Variants in GSDMA observed in about 807,000 individuals in gnomAD.
GSDMA encodes gasdermin A.
A neutral mutation model predicts 54.3 loss-of-function variants in GSDMA; 55 were observed. That is an observed-to-expected ratio of 1.01 (90% CI 0.82 to 1.27). GSDMA has a LOEUF of 1.27. Among genes scored for constraint, GSDMA ranks in the 50% most tolerant of loss-of-function variants. The pLI is 0.00. For synonymous variants in GSDMA, 211 were observed against 224.7 expected, an observed-to-expected ratio of 0.94 and a Z score of 0.54; for missense variants, 542 against 542.6, an observed-to-expected ratio of 1.00 and a Z score of 0.01.
intron 3 of GSDMA, among the ~76,000 whole-genome samples, chr17:39,969,125 G>A (rs1422686664): frequency 6.6e-6 from 1 of 152,112 alleles, no homozygotes; most frequent in Non-Finnish European, 1.5e-5. Context: ...GGAAGCCAAG[G>A]CAGGATTGCT....
intron 11 of GSDMA, among the ~76,000 whole-genome samples, chr17:39,976,404 G>A (rs959230478): frequency 4.6e-5 from 7 of 151,370 alleles, no homozygotes; most frequent in Admixed American, 2.6e-4. Flanking sequence ...TCAGCCTCCC[G>A]AGTAGCTGGG....
At chr17:39,963,568 C>T (rs534910071) in intron 1 of GSDMA, among the ~76,000 whole-genome samples, 76 of 152,258 alleles carry the variant, frequency 5.0e-4, no homozygotes, top group Non-Finnish European at 9.7e-4. Flanking sequence ...GATGTTGACC[C>T]TCAGGTCAGG....
rs748378804 is a variant in GSDMA at position 39,976,799 on chromosome 17, G to A, written c.1096-17G>A. On this transcript the variant is annotated splice_polypyrimidine_tract_variant and intron_variant, in intron 11 of 11. Coordinates refer to ENST00000301659, the MANE Select transcript of GSDMA (RefSeq NM_178171.5). The stretch of plus-strand genomic sequence containing the variant: ...GTTTCCAGTTCTTTCTTTTCATGCT[G>A]TTTTGATTCCCTCCAGGTGGAGAGC... The A allele has an allele frequency of 2.5e-5, 40 of 1,613,044 alleles. No homozygotes were observed. In the African/African-American group the frequency reaches 4.9e-4, roughly 20 times the overall value.
intron 5 of GSDMA, 104 bp downstream of exon 5, chr17:39,971,724 G>A: frequency 1.2e-6 from 1 of 814,134 alleles, no homozygotes; most frequent in Non-Finnish European, 2.0e-6. Flanking sequence ...ATGAGTAGGG[G>A]GGTGTATTGT....
In GSDMA at chr17:39,970,761, G is replaced by T. The variant is rs1159754881; in HGVS notation, c.558+114G>T. On this transcript the variant is annotated intron_variant, in intron 4 of 11. Coordinates refer to ENST00000301659, the MANE Select transcript of GSDMA (RefSeq NM_178171.5). ...GCTTCATTAGCTTTGCCTGATCAGC[G>T]CCCACCGAGGATGCTGAAAAGGGCC... 2.3e-5 allele frequency: 23 copies of T among 988,422 alleles called. No homozygotes were observed. In the East Asian group the frequency reaches 7.8e-4, roughly 34 times the overall value. The allele number at this position is 988,422 out of a possible 1,614,324, so 61.2% of individuals were successfully genotyped here.
chr17:39,968,328 C>CCACCCCCAGCCAAGACACTGTTCTTCTA, intron 3 of GSDMA, among the ~76,000 whole-genome samples: 1 of 105,674 alleles, frequency 9.5e-6, no homozygotes, highest in African/African-American at 4.9e-5. Context: ...GCGTGAGCCA[C>CCACCCCCAGCCAAGACACTGTTCTTCTA]TGAGCCCGGT....
intron 8 of GSDMA, 78 bp downstream of exon 8, chr17:39,973,908 C>A: frequency 1.6e-6 from 2 of 1,283,276 alleles, no homozygotes; most frequent in South Asian, 2.5e-5. Context: ...AAGGCGAAGT[C>A]ATTCTTTGTC....
rs771596618 is a variant in GSDMA at position 39,972,612 on chromosome 17, C to T, written c.729C>T (p.Ile243=). The T allele has an allele frequency of 1.9e-6, 3 of 1,612,126 alleles. No homozygotes were observed. The highest frequency in any genetic ancestry group is 1.6e-4 in the Middle Eastern group (1 of 6,062). The change falls in exon 7 of 12, where the codon ATC becomes ATT. Residue 243 remains isoleucine, a splice_region_variant and synonymous_variant. Coordinates refer to ENST00000301659, the MANE Select transcript of GSDMA (RefSeq NM_178171.5). ...AAAAGTCAGGAGAGGAGAAGGTCATCCGTAAGTGTTTCCTTTCATTCCACT... is the reference window on the plus strand; with the variant it reads ...AAAAGTCAGGAGAGGAGAAGGTCATTCGTAAGTGTTTCCTTTCATTCCACT... ...PGEKSGEEKV[I]LIQASDVGDV... is the part of the protein sequence containing the mutation.
intron 6 of GSDMA, 37 bp downstream of exon 6, chr17:39,972,213 G>C (rs181707924): frequency 7.0e-7 from 1 of 1,436,916 alleles, no homozygotes; most frequent in Admixed American, 1.8e-5. Context: ...CACATCTTCC[G>C]CCCTACCCCT....
At chr17:39,967,227 A>G (rs1037405360) in intron 3 of GSDMA, among the ~76,000 whole-genome samples, 1 of 152,228 alleles carries the variant, frequency 6.6e-6, no homozygotes, top group Admixed American at 6.5e-5. Flanking sequence ...TTATAATCAA[A>G]GCCAAGAAGT....
chr17:39,975,081 T>C, intron 10 of GSDMA, 67 bp downstream of exon 10: 1 of 826,656 alleles, frequency 1.2e-6, no homozygotes, highest in Non-Finnish European at 2.0e-6. Flanking sequence ...CTTGAATCAA[T>C]TCCCAAATGG....
chr17:39,976,277 T>A (rs200177757), intron 11 of GSDMA, among the ~76,000 whole-genome samples: 1 of 1,498 alleles, frequency 6.7e-4, no homozygotes, highest in South Asian at 4.9e-3. Flanking sequence ...TGTAAGCAAA[T>A]TTTTTTTTTT....
chr17:39,976,257 A>C (rs1980194094), intron 11 of GSDMA, among the ~76,000 whole-genome samples: 1 of 149,536 alleles, frequency 6.7e-6, no homozygotes, highest in East Asian at 2.0e-4. Flanking sequence ...GCTTATTCCT[A>C]GCCAAATATT....
At chr17:39,966,565 G>A (rs1979680275) in intron 3 of GSDMA, 128 bp downstream of exon 3, 2 of 812,564 alleles carry the variant, frequency 2.5e-6, no homozygotes, top group East Asian at 3.0e-5. Flanking sequence ...CATGACAGGG[G>A]AGCTCTTGGA....
chr17:39,970,608 C>T lies in GSDMA; in HGVS notation c.519C>T (p.Ala173=). The part of the protein sequence containing the change: ...VTLERAGKAE[A]CFSLPFFAPL... ...TGGAGCGAGCCGGCAAGGCAGAGGCCTGCTTCTCCCTCCCCTTCTTCGCCC... is the reference window on the plus strand; with the variant it reads ...TGGAGCGAGCCGGCAAGGCAGAGGCTTGCTTCTCCCTCCCCTTCTTCGCCC... Residue 173 remains alanine, a synonymous_variant, in exon 4 of 12, where the codon GCC becomes GCT. Transcript: ENST00000301659. 1.9e-6 allele frequency: 3 copies of T among 1,585,178 alleles called. No homozygotes were observed. The highest frequency in any genetic ancestry group is 2.6e-6 in the Non-Finnish European group (3 of 1,166,184).
intron 3 of GSDMA, among the ~76,000 whole-genome samples, chr17:39,966,942 G>GC (rs1330518321): frequency 6.6e-6 from 1 of 152,164 alleles, no homozygotes; most frequent in Non-Finnish European, 1.5e-5. Flanking sequence ...CGGGAATGCT[G>GC]CCCCACAGCA....
chr17:39,971,425 G>A, intron 4 of GSDMA, 99 bp from the exon 5 acceptor site: 1 of 816,988 alleles, frequency 1.2e-6, no homozygotes, highest in Non-Finnish European at 2.0e-6. Flanking sequence ...TCTCCCTGAA[G>A]GCTCTCAGCC....
Position 39,972,248 on chromosome 17 carries a change from C to A in GSDMA, c.703+72C>A. ...TGACATTATCTGCCAAAATCCTCCA[C>A]CCTCTCCTAGCTTATACTATAATCC... On this transcript the variant is annotated intron_variant, in intron 6 of 11. Transcript: ENST00000301659. The A allele has an allele frequency of 4.8e-6, 5 of 1,041,900 alleles. No homozygotes were observed. In the South Asian group the frequency reaches 5.5e-5, roughly 11 times the overall value. 64.5% of individuals were successfully genotyped at this position (1,041,900 alleles called of 1,614,324 possible). A position where few individuals can be genotyped will look rare whatever the true frequency, so the allele number is the denominator to read the frequency against.
intron 4 of GSDMA, among the ~76,000 whole-genome samples, chr17:39,970,899 G>A (rs1979910267): frequency 6.6e-6 from 1 of 152,212 alleles, no homozygotes; most frequent in Non-Finnish European, 1.5e-5. Context: ...AACTACTGGG[G>A]AAGGGGAAAG....
Sources: allele counts gnomAD v4.1 joint callset (sites outside exome capture counted in the v4.1 genomes callset), GRCh38; gene constraint gnomAD v4.1.1; transcripts MANE v1.5; gene names NCBI Gene and HGNC (gene_info 2026-07-23, HGNC 2026-07-21).